DPF3: variants seen among roughly 807,000 people sequenced by gnomAD.
DPF3 encodes the protein double PHD fingers 3.
A neutral mutation model predicts 56.8 loss-of-function variants in DPF3; 18 were observed. The observed-to-expected ratio is 0.32, with a 90% CI of 0.22 to 0.47. DPF3 has a LOEUF of 0.47. DPF3 is among the 20% of genes least tolerant of loss of function. The pLI is 1.00. For synonymous variants in DPF3, 188 were observed against 180.2 expected, an observed-to-expected ratio of 1.04 and a Z score of -0.35; for missense variants, 403 against 488.8, an observed-to-expected ratio of 0.82 and a Z score of 1.65.
chr14:72,720,314 G>A (rs1042251976), intron 5 of DPF3, among the ~76,000 whole-genome samples: 1 of 151,660 alleles, frequency 6.6e-6, no homozygotes, highest in Non-Finnish European at 1.5e-5. Flanking sequence ...GCAACAGAGT[G>A]AGGCCCCCAT....
At chr14:72,623,486 ATG>A (rs950559177) in intron 9 of DPF3, among the ~76,000 whole-genome samples, 10 of 151,570 alleles carry the variant, frequency 6.6e-5, no homozygotes, top group Non-Finnish European at 1.3e-4. Context: ...CTGCATATAT[ATG>A]TGTGTGTGTG....
intron 1 of DPF3, among the ~76,000 whole-genome samples, chr14:72,890,501 G>GACAATAATAATAATA (rs1555517362): frequency 6.8e-6 from 1 of 146,492 alleles, no homozygotes; most frequent in African/African-American, 2.5e-5. Flanking sequence ...AAAAAATAAT[G>GACAATAATAATAATA]ATAATAATAA....
chr14:72,723,198 C>T (rs1375869519), intron 5 of DPF3, among the ~76,000 whole-genome samples: 1 of 151,626 alleles, frequency 6.6e-6, no homozygotes, highest in East Asian at 1.9e-4. Context: ...GCCCCTATCT[C>T]ACAACAGGCC....
intron 3 of DPF3, among the ~76,000 whole-genome samples, chr14:72,735,810 C>G (rs1230494117): frequency 8.5e-5 from 13 of 152,162 alleles, no homozygotes; most frequent in Admixed American, 6.5e-4. Flanking sequence ...GTCATAGTAT[C>G]TATTTCAGTG....
chr14:72,685,816 T>C (rs910341491), intron 7 of DPF3, among the ~76,000 whole-genome samples: 1 of 152,200 alleles, frequency 6.6e-6, no homozygotes, highest in Non-Finnish European at 1.5e-5. Context: ...TCTAGGTAAT[T>C]AGGCCCAAAA....
At chr14:72,633,691 A>G (rs1885290750) in intron 8 of DPF3, among the ~76,000 whole-genome samples, 1 of 152,210 alleles carries the variant, frequency 6.6e-6, no homozygotes, top group Non-Finnish European at 1.5e-5. Context: ...AACACGCTTC[A>G]GTCATGCCAT....
intron 9 of DPF3, among the ~76,000 whole-genome samples, chr14:72,623,647 T>C (rs1884608434): frequency 6.6e-6 from 1 of 152,218 alleles, no homozygotes; most frequent in African/African-American, 2.4e-5. Flanking sequence ...TGTAGGCCAA[T>C]GAAGTTAAGT....
intron 1 of DPF3, among the ~76,000 whole-genome samples, chr14:72,848,324 C>T (rs936631429): frequency 1.6e-4 from 25 of 151,992 alleles, no homozygotes; most frequent in Non-Finnish European, 2.8e-4. Flanking sequence ...CCACCATGCC[C>T]GGCTAATTTT....
In DPF3 at chr14:72,786,581, T is replaced by C. The variant is rs879501205; in HGVS notation, c.33-14688A>G. On this transcript the variant is annotated intron_variant, in intron 1 of 10. Coordinates refer to ENST00000556509, the MANE Select transcript of DPF3 (RefSeq NM_001280542.3). ...CCTGCAAAGCCTAAAATATTTACCA[T>C]CTGGACCTTTACAGAAAAAGTTTGC... 5.3e-5 allele frequency among the ~76,000 whole-genome samples: 8 copies of C among 152,304 alleles called. No individual in the cohort carries two copies. The East Asian group carries it at 1.3e-3, about 26-fold the overall frequency.
chr14:72,639,957 A>G (rs1885494756), intron 8 of DPF3, among the ~76,000 whole-genome samples: 1 of 151,168 alleles, frequency 6.6e-6, no homozygotes, highest in Admixed American at 6.6e-5. Context: ...TAAGGAAGCA[A>G]TAAATAATGC....
At chr14:72,680,677 C>T (rs1187865721) in intron 7 of DPF3, among the ~76,000 whole-genome samples, 1 of 152,258 alleles carries the variant, frequency 6.6e-6, no homozygotes, top group East Asian at 1.9e-4. Flanking sequence ...TCACACTCCG[C>T]ACCGTCAAGG....
chr14:72,797,341 A>C (rs1399102333), intron 1 of DPF3, among the ~76,000 whole-genome samples: 1 of 152,220 alleles, frequency 6.6e-6, no homozygotes, highest in Admixed American at 6.5e-5. Flanking sequence ...CGACCCACGG[A>C]ATAGTAAGCA....
chr14:72,673,199 G>C (rs1279365044), intron 8 of DPF3, among the ~76,000 whole-genome samples: 3 of 152,234 alleles, frequency 2.0e-5, no homozygotes, highest in Non-Finnish European at 4.4e-5. Context: ...TTTGCAGACA[G>C]AGCAAGGAAA....
At chr14:72,654,663 G>T (rs72728567) in intron 8 of DPF3, among the ~76,000 whole-genome samples, 47 of 152,284 alleles carry the variant, frequency 3.1e-4, no homozygotes, top group Non-Finnish European at 6.2e-4. Context: ...TCAAAGGGCT[G>T]TTATATGGCT....
chr14:72,647,772 A>C (rs1885768167), intron 8 of DPF3, among the ~76,000 whole-genome samples: 2 of 152,158 alleles, frequency 1.3e-5, no homozygotes, highest in African/African-American at 4.8e-5. Flanking sequence ...TTTAGCGTCT[A>C]TTCAACTATT....
At chr14:72,638,591 TGAATTAGAAGATGAATTCATGA>T (rs1301447238) in intron 8 of DPF3, among the ~76,000 whole-genome samples, 3 of 152,214 alleles carry the variant, frequency 2.0e-5, no homozygotes, top group African/African-American at 7.2e-5. Flanking sequence ...TGATCATCCA[TGAATTAGAAGATGAATTCATGA>T]GTGGTCTAAG....
intron 2 of DPF3, among the ~76,000 whole-genome samples, chr14:72,765,300 G>A (rs1275949987): frequency 1.3e-5 from 2 of 152,144 alleles, no homozygotes; most frequent in Non-Finnish European, 2.9e-5. Context: ...TATTGCTGGA[G>A]TCAATGTAAA....
At chr14:72,831,040 G>T (rs962826512) in intron 1 of DPF3, among the ~76,000 whole-genome samples, 1 of 152,140 alleles carries the variant, frequency 6.6e-6, no homozygotes, top group African/African-American at 2.4e-5. Context: ...CGTCCCCCAT[G>T]TCATCAGCAT....
Position 72,861,741 on chromosome 14 carries a change from A to AAG in DPF3, c.32+32314_32+32315dup, listed in dbSNP as rs1555513995. Among the ~76,000 whole-genome samples the AAG allele has an allele frequency of 3.5e-3, 375 of 107,366 alleles. 1 individual carries two copies. Among genetic ancestry groups the AAG allele is most frequent in the African/African-American group, 0.013 (361 of 27,746 alleles). 70.4% of individuals were successfully genotyped at this position (107,366 alleles called of 152,430 possible). A position where few individuals can be genotyped will look rare whatever the true frequency, so the allele number is the denominator to read the frequency against. On this transcript the variant is annotated intron_variant, in intron 1 of 10. Transcript: ENST00000556509. ...AAAGAGAGAGAAAGAAAGAAAGAGA[A>AAG]AGAAAGAAAGAAAGAAAGAAAGAAA...
Sources: gnomAD v4.1 joint callset for allele counts (sites outside exome capture counted in the v4.1 genomes callset) on GRCh38, gnomAD v4.1.1 for gene constraint, MANE v1.5 for transcripts, NCBI Gene and HGNC (gene_info 2026-07-23, HGNC 2026-07-21) for gene names.